CACNA1I: variants seen among roughly 807,000 people sequenced by gnomAD.
CACNA1I encodes calcium voltage-gated channel subunit alpha1 I, also known as voltage-dependent T-type calcium channel subunit alpha-1I.
Under a neutral mutation model 201.6 loss-of-function variants are expected in CACNA1I, and 74 were observed. That is an observed-to-expected ratio of 0.37 (90% confidence interval 0.30 to 0.45). The LOEUF (loss-of-function observed/expected upper bound fraction) is 0.45, where lower values mean the gene tolerates loss of function less well. Among genes scored for constraint, CACNA1I ranks in the 20% least tolerant of loss-of-function variants. The pLI is 1.00. For synonymous variants in CACNA1I, 1,431 were observed against 1,345.2 expected (o/e 1.06, Z -1.40); for missense variants, 2,346 against 3,138.1 (o/e 0.75, Z 6.03).
At chr22:39,620,739 GTTGT>G (rs565416020) in intron 4 of CACNA1I, among the ~76,000 whole-genome samples, 48 of 137,990 alleles carry the variant, frequency 3.5e-4, no homozygotes, top group African/African-American at 8.8e-4. Context: ...TTTTGTTGTT[GTTGT>G]TTGTTTGTTT....
At chr22:39,622,257 A>G (rs1273326734) in intron 4 of CACNA1I, among the ~76,000 whole-genome samples, 2 of 152,076 alleles carry the variant, frequency 1.3e-5, no homozygotes, top group Non-Finnish European at 2.9e-5. Context: ...CCACAGAGCT[A>G]TACATGCTCC....
rs1477653026 is a variant in CACNA1I, at chr22:39,662,300, G to A, written c.3237G>A (p.Arg1079=). ...ELVPAVGAHP[R]AAWRAAGPAP... Reference sequence around the variant, plus strand: ...TGCCCGCGGTGGGCGCCCACCCCCGGGCCGCCTGGAGGGCGGCAGGCCCGG... The same window carrying A: ...TGCCCGCGGTGGGCGCCCACCCCCGAGCCGCCTGGAGGGCGGCAGGCCCGG... The change falls in exon 17 of 37, where the codon CGG becomes CGA. Residue 1079 remains arginine (R), a synonymous_variant. Transcript: ENST00000402142. The A allele has an allele frequency of 6.7e-7, 1 of 1,499,040 alleles. No individual in the cohort carries two copies. The highest frequency in any genetic ancestry group is 2.3e-5 in the Admixed American group (1 of 44,188). The allele number at this position is 1,499,040 out of a possible 1,614,324, so 92.9% of individuals were successfully genotyped here. A position where few individuals can be genotyped will look rare whatever the true frequency, so the allele number is the denominator to read the frequency against.
intron 10 of CACNA1I, 134 bp downstream of exon 10, chr22:39,650,059 G>C (rs190932853): frequency 1.0e-6 from 1 of 953,068 alleles, no homozygotes; most frequent in Admixed American, 2.3e-5. Flanking sequence ...GCTGAGCTGG[G>C]TCCAGTTCAT....
intron 3 of CACNA1I, among the ~76,000 whole-genome samples, chr22:39,607,781 G>A (rs1933259901): frequency 6.6e-6 from 1 of 152,024 alleles, no homozygotes; most frequent in Non-Finnish European, 1.5e-5. Flanking sequence ...CTGAGGTCAG[G>A]AGTTTGAGAC....
intron 1 of CACNA1I, among the ~76,000 whole-genome samples, chr22:39,593,208 A>C (rs556129013): frequency 6.6e-6 from 1 of 152,210 alleles, no homozygotes; most frequent in Non-Finnish European, 1.5e-5. Flanking sequence ...ACTGCTGTGA[A>C]TCAGACAATC....
chr22:39,606,960 A>C (rs1933238337), intron 3 of CACNA1I, among the ~76,000 whole-genome samples: 1 of 152,188 alleles, frequency 6.6e-6, no homozygotes, highest in Admixed American at 6.5e-5. Context: ...CCCTTGGTGC[A>C]TCATGCTGGT....
At chr22:39,580,105 CA>C (rs1207965320) in intron 1 of CACNA1I, among the ~76,000 whole-genome samples, 1 of 152,170 alleles carries the variant, frequency 6.6e-6, no homozygotes, top group Non-Finnish European at 1.5e-5. Context: ...TCATGTTTCA[CA>C]GGAGATTTGG....
rs887775190 is a variant in CACNA1I, at chr22:39,665,855, G to A, written c.3979-26G>A. 1.9e-6 allele frequency: 3 copies of A among 1,613,648 alleles called. No homozygotes were observed. Among genetic ancestry groups the A allele is most frequent in the South Asian group, 1.1e-5 (1 of 91,070 alleles). On this transcript the variant is annotated intron_variant, in intron 22 of 36. Transcript: ENST00000402142. This position sits in a 1 kb window ranked among gnomAD's most constrained non-coding sequence, Gnocchi z 5.5. ...TGACTTGCAACCCTCACCTGTGAGA[G>A]CACCAACCTCACCCCCTTTCCCCAG...
intron 29 of CACNA1I, among the ~76,000 whole-genome samples, chr22:39,674,868 C>T (rs1935475244): frequency 6.6e-6 from 1 of 152,214 alleles, no homozygotes; most frequent in East Asian, 1.9e-4. Context: ...GGAAGCAGAG[C>T]TAATTCTTTC....
At chr22:39,657,742 C>T (rs921420013) in intron 10 of CACNA1I, among the ~76,000 whole-genome samples, 23 of 152,242 alleles carry the variant, frequency 1.5e-4, no homozygotes, top group African/African-American at 5.5e-4. Context: ...GTGGTAAGTG[C>T]TCACTAAATG....
chr22:39,591,017 A>ATTT (rs1569050545), intron 1 of CACNA1I, among the ~76,000 whole-genome samples: 2 of 116,496 alleles, frequency 1.7e-5, no homozygotes, highest in Admixed American at 9.1e-5. Flanking sequence ...CTAATTAAAA[A>ATTT]ATTTTTTTTT....
chr22:39,678,234 G>A (rs1306017300), intron 31 of CACNA1I, 126 bp downstream of exon 31: 14 of 1,116,096 alleles, frequency 1.3e-5, no homozygotes, highest in Admixed American at 7.4e-5. Context: ...TGCAGGGCAC[G>A]GAGGAGTGGA....
intron 1 of CACNA1I, among the ~76,000 whole-genome samples, chr22:39,590,076 G>T (rs902353496): frequency 2.0e-5 from 3 of 152,132 alleles, no homozygotes; most frequent in African/African-American, 7.2e-5. Flanking sequence ...CTCTGGCTCG[G>T]CTCCTGGAGA....
intron 4 of CACNA1I, among the ~76,000 whole-genome samples, chr22:39,621,746 G>T (rs1933750269): frequency 6.6e-6 from 1 of 152,008 alleles, no homozygotes; most frequent in African/African-American, 2.4e-5. Flanking sequence ...TAGGGCAAGT[G>T]AGTAGTGGGA....
At chr22:39,631,721 C>G (rs1934069411) in intron 4 of CACNA1I, among the ~76,000 whole-genome samples, 1 of 152,222 alleles carries the variant, frequency 6.6e-6, no homozygotes, top group Non-Finnish European at 1.5e-5. Context: ...TTTCTCTCTT[C>G]TCTCCTTGCC....
intron 1 of CACNA1I, among the ~76,000 whole-genome samples, chr22:39,594,314 G>A (rs1411501489): frequency 1.3e-5 from 2 of 152,196 alleles, no homozygotes; most frequent in Non-Finnish European, 2.9e-5. Flanking sequence ...ACTGGCAGGA[G>A]GGGCAGAGGG....
rs369783396 is a variant in CACNA1I at position 39,676,980 on chromosome 22, C to A, written c.4855-361C>A. On this transcript the variant is annotated intron_variant, in intron 29 of 36. Transcript: ENST00000402142. The surrounding 1 kb of genome is among the most constrained non-coding windows in gnomAD (Gnocchi z 4.8). ...CCTACCAGTTACTAGCTGTGCGACT[C>A]TGGACAAGTGATGTCACCTCTCAGT... Among the ~76,000 whole-genome samples the A allele has an allele frequency of 3.9e-4, 59 of 152,334 alleles. 2 individuals carry two copies. In the East Asian group the frequency reaches 6.2e-3, roughly 16 times the overall value.
chr22:39,608,836 G>GA (rs908803155), intron 3 of CACNA1I, among the ~76,000 whole-genome samples: 1 of 149,780 alleles, frequency 6.7e-6, no homozygotes, highest in African/African-American at 2.5e-5. Flanking sequence ...AAAGAAAAGA[G>GA]AAAAAAAAAA....
At chr22:39,605,828 G>A (rs1321093055) in intron 3 of CACNA1I, among the ~76,000 whole-genome samples, 2 of 152,060 alleles carry the variant, frequency 1.3e-5, no homozygotes, top group Non-Finnish European at 2.9e-5. Context: ...GCATGCAGGA[G>A]GCCTGAGGGG....
Sources: gnomAD v4.1 joint callset for allele counts (sites outside exome capture counted in the v4.1 genomes callset) on GRCh38, gnomAD v4.1.1 for gene constraint, Gnocchi (gnomAD v3.1) non-coding constraint, MANE v1.5 for transcripts, NCBI Gene and HGNC (gene_info 2026-07-23, HGNC 2026-07-21) for gene names.